The following ACAD11 variants were observed in gnomAD, a reference collection of about 807,000 sequenced individuals.
ACAD11 encodes the protein acyl-CoA dehydrogenase family member 11.
ACAD11 carries 83 observed loss-of-function variants against 102.2 expected under a neutral mutation model. The observed-to-expected ratio is 0.81, with a 90% CI of 0.68 to 0.97. The LOEUF is 0.97. Among genes scored for constraint, ACAD11 ranks in the 50% least tolerant of loss-of-function variants. ACAD11 has a pLI of 0.00. For missense variants in ACAD11, 901 were observed against 951.7 expected (o/e 0.95, Z 0.70); for synonymous variants, 324 against 319.8 (o/e 1.01, Z -0.14).
chr3:132,561,082 G>T lies in ACAD11; in HGVS notation c.2118+19C>A, dbSNP rs1476664753. On this transcript the variant is annotated intron_variant, in intron 18 of 19. Transcript: ENST00000264990. ...GAAGGCTCAGCAGTTGGTGGTCTGAGGGGAGAAGGTAGCCTCACCTCTTTC... is the reference window on the plus strand; with the variant it reads ...GAAGGCTCAGCAGTTGGTGGTCTGATGGGAGAAGGTAGCCTCACCTCTTTC... The T allele has an allele frequency of 4.4e-6, 7 of 1,593,498 alleles. No individual in the cohort carries two copies. In the East Asian group the frequency reaches 1.3e-4, roughly 31 times the overall value.
chr3:132,651,272 T>C (rs1044945991), intron 1 of ACAD11, among the ~76,000 whole-genome samples: 1 of 152,200 alleles, frequency 6.6e-6, no homozygotes, highest in Non-Finnish European at 1.5e-5. Flanking sequence ...TGCAGTCACC[T>C]ACTAACTCTC....
chr3:132,576,009 A>G (rs1177098728), intron 16 of ACAD11, 83 bp from the exon 17 acceptor site: 1 of 1,508,128 alleles, frequency 6.6e-7, no homozygotes, highest in East Asian at 2.3e-5. Flanking sequence ...CCTGGGAAAG[A>G]GATGAGCTGC....
At chr3:132,655,537 T>C (rs902968158) in intron 1 of ACAD11, among the ~76,000 whole-genome samples, 1 of 152,220 alleles carries the variant, frequency 6.6e-6, no homozygotes, top group Non-Finnish European at 1.5e-5. Flanking sequence ...CCCCTCTGTC[T>C]GGAACACTCT....
intron 7 of ACAD11, among the ~76,000 whole-genome samples, chr3:132,628,818 T>C (rs1376894755): frequency 1.3e-5 from 2 of 152,166 alleles, no homozygotes; most frequent in African/African-American, 2.4e-5. Flanking sequence ...AACTATAAAA[T>C]CAAAAGGAAG....
chr3:132,584,536 A>T (rs1490394506), intron 13 of ACAD11, among the ~76,000 whole-genome samples: 1 of 152,160 alleles, frequency 6.6e-6, no homozygotes, highest in South Asian at 2.1e-4. Context: ...GTGTCTTTCA[A>T]TTGGAGCATT....
At chr3:132,607,058 C>G (rs2107830145) in intron 11 of ACAD11, among the ~76,000 whole-genome samples, 1 of 152,258 alleles carries the variant, frequency 6.6e-6, no homozygotes, top group Non-Finnish European at 1.5e-5. Flanking sequence ...AGAAGGAAAA[C>G]TAACAAACAG....
chr3:132,619,438 T>C, intron 10 of ACAD11, 30 bp downstream of exon 10: 1 of 1,498,484 alleles, frequency 6.7e-7, no homozygotes, highest in Non-Finnish European at 9.0e-7. Context: ...CACTTGCATA[T>C]GAATTTTCTA....
intron 4 of ACAD11, among the ~76,000 whole-genome samples, chr3:132,640,150 G>C (rs2107881707): frequency 6.6e-6 from 1 of 150,878 alleles, no homozygotes; most frequent in African/African-American, 2.4e-5. Context: ...GTCTCGCTCT[G>C]TTGCCCAGGC....
At chr3:132,655,801 T>G (rs1168150909) in intron 1 of ACAD11, among the ~76,000 whole-genome samples, 2 of 152,256 alleles carry the variant, frequency 1.3e-5, no homozygotes, top group Non-Finnish European at 2.9e-5. Flanking sequence ...CAGATACATA[T>G]TAGGCACTCA....
At position 132,561,208 on chromosome 3, in the gene ACAD11, C is replaced by A. The variant is rs1303972766; in HGVS notation, c.2011G>T (p.Ala671Ser). The change falls in exon 18 of 20, where the codon GCT becomes TCT. Residue 671 changes from alanine (A) to serine (S), a missense_variant. Coordinates refer to ENST00000264990, the MANE Select transcript of ACAD11 (RefSeq NM_032169.5). ...ATGCGGCTTTCAGCAATCCAGTGAGCCACAACCTCCTATAGGGGAGGAAAA... is the reference window on the plus strand; with the variant it reads ...ATGCGGCTTTCAGCAATCCAGTGAGACACAACCTCCTATAGGGGAGGAAAA... Reference protein sequence around the residue: ...KKKLYAHEVVAHWIAESRIAI... With the variant: ...KKKLYAHEVVSHWIAESRIAI... 1 of 1,612,428 alleles carries A rather than the reference C, an allele frequency of 6.2e-7. No homozygotes were observed. Among genetic ancestry groups the A allele is most frequent in the African/African-American group, 1.3e-5 (1 of 74,866 alleles).
Position 132,642,661 on chromosome 3 carries a change from TTAAG to T in ACAD11, c.375+12_375+15del, listed in dbSNP as rs1450804281. The T allele has an allele frequency of 1.9e-6, 3 of 1,584,060 alleles. No individual in the cohort carries two copies. Among genetic ancestry groups the T allele is most frequent in the Admixed American group, 1.9e-5 (1 of 51,640 alleles). ...TAAAAGTAAAAGCAACAAAATAAGATTAAGTGTTAATTTACCTGCACATGTTCCA... is the reference window on the plus strand; with the variant it reads ...TAAAAGTAAAAGCAACAAAATAAGATTGTTAATTTACCTGCACATGTTCCA... On this transcript the variant is annotated intron_variant, in intron 3 of 19. Transcript: ENST00000264990.
At chr3:132,611,846 A>T (rs1211917248) in intron 11 of ACAD11, among the ~76,000 whole-genome samples, 2 of 152,122 alleles carry the variant, frequency 1.3e-5, no homozygotes, top group South Asian at 2.1e-4. Flanking sequence ...GCTACCAATG[A>T]CTTTCTTCAC....
intron 17 of ACAD11, among the ~76,000 whole-genome samples, chr3:132,570,503 C>A (rs777813656): frequency 1.3e-5 from 2 of 151,846 alleles, no homozygotes; most frequent in Non-Finnish European, 2.9e-5. Flanking sequence ...GTAATCATAT[C>A]TTTTTTATTT....
At chr3:132,618,510 G>A in intron 11 of ACAD11, 124 bp downstream of exon 11, 1 of 931,918 alleles carries the variant, frequency 1.1e-6, no homozygotes, top group Non-Finnish European at 1.5e-6. Flanking sequence ...TAACTGAAAA[G>A]TAAAATTATA....
chr3:132,575,795 A>C lies in ACAD11; in HGVS notation c.1978T>G (p.Phe660Val). 1 of 1,614,042 alleles carries C rather than the reference A, an allele frequency of 6.2e-7. No homozygotes were observed. Among genetic ancestry groups the C allele is most frequent in the Non-Finnish European group, 8.5e-7 (1 of 1,179,974 alleles). Residue 660 changes from phenylalanine to valine, a missense_variant, in exon 17 of 20, where the codon TTC (phenylalanine) becomes GTC (valine). Coordinates refer to ENST00000264990, the MANE Select transcript of ACAD11 (RefSeq NM_032169.5). Reference protein sequence around the residue: ...MCERATQRIAFKKKLYAHEVV... With the variant: ...MCERATQRIAVKKKLYAHEVV... ...ACATGTGCATACAACTTCTTCTTGA[A>C]AGCTATCCTTTGTGTTGCCCGCTCA... is the stretch of plus-strand genomic sequence containing the variant.
In ACAD11 at chr3:132,573,663, T is replaced by C. The variant is rs1351877487; in HGVS notation, c.2001+2109A>G. Among the ~76,000 whole-genome samples, 3 of 152,190 alleles carry C rather than the reference T, an allele frequency of 2.0e-5. No individual in the cohort carries two copies. In the East Asian group the frequency reaches 5.8e-4, roughly 29 times the overall value. ...GCTGTAAAACAGGATAATTACAACTTTATAACTTCATGAACAGACTTAGAA... is the reference window on the plus strand; with the variant it reads ...GCTGTAAAACAGGATAATTACAACTCTATAACTTCATGAACAGACTTAGAA... On this transcript the variant is annotated intron_variant, in intron 17 of 19. Transcript: ENST00000264990.
chr3:132,641,638 AGAGGAAGAAGAG>A lies in ACAD11; in HGVS notation c.537+322_537+333del, dbSNP rs1196854380. On this transcript the variant is annotated intron_variant, in intron 4 of 19. Coordinates refer to ENST00000264990, the MANE Select transcript of ACAD11 (RefSeq NM_032169.5). Reference sequence around the variant, plus strand: ...AAGAGGAGGAAGAAGAGGAGGAAGAAGAGGAAGAAGAGGAGGAAGAAGAGGAGGAAGAAGAGG... The same window carrying A: ...AAGAGGAGGAAGAAGAGGAGGAAGAAGAGGAAGAAGAGGAGGAAGAAGAGG... Among the ~76,000 whole-genome samples, 20 of 122,468 alleles carry A rather than the reference AGAGGAAGAAGAG, an allele frequency of 1.6e-4. 1 individual carries two copies. Among genetic ancestry groups the A allele is most frequent in the Admixed American group, 4.1e-4 (5 of 12,136 alleles). 80.3% of individuals were successfully genotyped at this position (122,468 alleles called of 152,430 possible). A position where few individuals can be genotyped will look rare whatever the true frequency, so the allele number is the denominator to read the frequency against.
chr3:132,608,256 T>A (rs1292580192), intron 11 of ACAD11, among the ~76,000 whole-genome samples: 3 of 152,112 alleles, frequency 2.0e-5, no homozygotes, highest in African/African-American at 4.8e-5. Context: ...AATGACAGGA[T>A]CAAATTCACA....
At chr3:132,654,919 C>G (rs1937701948) in intron 1 of ACAD11, among the ~76,000 whole-genome samples, 1 of 152,220 alleles carries the variant, frequency 6.6e-6, no homozygotes, top group Non-Finnish European at 1.5e-5. Context: ...ATAGGACACA[C>G]CTGAGCTCTG....
Sources: allele counts gnomAD v4.1 joint callset (sites outside exome capture counted in the v4.1 genomes callset), GRCh38; gene constraint gnomAD v4.1.1; transcripts MANE v1.5; gene names NCBI Gene and HGNC (gene_info 2026-07-23, HGNC 2026-07-21).